ROBO2: variants seen among roughly 807,000 people sequenced by gnomAD.
ROBO2 encodes roundabout guidance receptor 2.
A neutral mutation model predicts 160.8 loss-of-function variants in ROBO2; 53 were observed. That is an observed-to-expected ratio of 0.33 (90% CI 0.26 to 0.41). The LOEUF (loss-of-function observed/expected upper bound fraction) is 0.41, where lower values mean the gene tolerates loss of function less well. Among genes scored for constraint, ROBO2 ranks in the 10% least tolerant of loss-of-function variants. The pLI is 1.00. For synonymous variants in ROBO2, 664 were observed against 611.7 expected (o/e 1.09, Z -1.26); for missense variants, 1,577 against 1,722.4 (o/e 0.92, Z 1.49).
chr3:77,075,257 A>G (rs1234515386), intron 1 of ROBO2, among the ~76,000 whole-genome samples: 2 of 152,194 alleles, frequency 1.3e-5, no homozygotes, highest in African/African-American at 4.8e-5. Flanking sequence ...TTGAACCTGT[A>G]TCTAAAAGTA....
At chr3:76,979,951 T>TAA (rs199788324) in intron 2 of ROBO2, among the ~76,000 whole-genome samples, 34 of 143,008 alleles carry the variant, frequency 2.4e-4, no homozygotes, top group African/African-American at 7.9e-4. Context: ...GAGACTTGGT[T>TAA]AAAAAAAAAA....
chr3:76,086,010 G>A (rs566423557), intron 2 of ROBO2, among the ~76,000 whole-genome samples: 4 of 152,264 alleles, frequency 2.6e-5, no homozygotes, highest in South Asian at 2.1e-4. Flanking sequence ...GGGACTAACC[G>A]TTTGGGGTAT....
intron 2 of ROBO2, among the ~76,000 whole-genome samples, chr3:77,412,083 T>C (rs994449693): frequency 2.6e-5 from 4 of 152,040 alleles, no homozygotes; most frequent in Non-Finnish European, 5.9e-5. Flanking sequence ...AAGAGGAGAG[T>C]TATTAACTTG....
chr3:76,743,619 G>GA (rs1300066748), intron 2 of ROBO2, among the ~76,000 whole-genome samples: 1 of 151,914 alleles, frequency 6.6e-6, no homozygotes, highest in Non-Finnish European at 1.5e-5. Flanking sequence ...ATGATTTAAT[G>GA]AAAAAATACA....
chr3:76,374,039 A>G (rs1209586215), intron 2 of ROBO2, among the ~76,000 whole-genome samples: 1 of 151,998 alleles, frequency 6.6e-6, no homozygotes, highest in Non-Finnish European at 1.5e-5. Context: ...AGAACTTAAT[A>G]AAAATTGCAA....
intron 2 of ROBO2, among the ~76,000 whole-genome samples, chr3:76,047,661 A>G (rs2067495100): frequency 6.6e-6 from 1 of 152,206 alleles, no homozygotes; most frequent in Non-Finnish European, 1.5e-5. Flanking sequence ...ATTTAATAAG[A>G]TGTAGATGTT....
chr3:75,915,725 T>C (rs1315667742), intron 1 of ROBO2, among the ~76,000 whole-genome samples: 4 of 152,064 alleles, frequency 2.6e-5, no homozygotes, highest in Non-Finnish European at 4.4e-5. Flanking sequence ...CATACATCAA[T>C]GGTGTAGAGA....
At chr3:76,710,819 AAGAG>A (rs2093277899) in intron 2 of ROBO2, among the ~76,000 whole-genome samples, 1 of 152,206 alleles carries the variant, frequency 6.6e-6, no homozygotes, top group Non-Finnish European at 1.5e-5. Context: ...ATGCAATTAA[AAGAG>A]AGGAGAGCTG....
chr3:77,481,490 T>C (rs1034386461), intron 4 of ROBO2, among the ~76,000 whole-genome samples: 3 of 152,182 alleles, frequency 2.0e-5, no homozygotes, highest in African/African-American at 4.8e-5. Context: ...TCAAAGTCTA[T>C]TTGAGATATT....
chr3:77,407,820 T>A (rs892276579), intron 2 of ROBO2, among the ~76,000 whole-genome samples: 6 of 152,180 alleles, frequency 3.9e-5, no homozygotes, highest in African/African-American at 1.4e-4. Context: ...GGAAAAAGTA[T>A]AAAGAATGAT....
At chr3:77,628,294 T>A (rs2153710680) in intron 23 of ROBO2, among the ~76,000 whole-genome samples, 1 of 152,336 alleles carries the variant, frequency 6.6e-6, no homozygotes, top group East Asian at 1.9e-4. Context: ...CTAGCCGAAT[T>A]GGTTTTACCT....
At chr3:76,703,708 G>A (rs1181938716) in intron 2 of ROBO2, among the ~76,000 whole-genome samples, 1 of 152,018 alleles carries the variant, frequency 6.6e-6, no homozygotes, top group Non-Finnish European at 1.5e-5. Flanking sequence ...CTTTTTTATG[G>A]TTGTGTAGTA....
intron 1 of ROBO2, among the ~76,000 whole-genome samples, chr3:77,095,761 T>C (rs1210947228): frequency 6.6e-6 from 1 of 152,322 alleles, no homozygotes; most frequent in African/African-American, 2.4e-5. Context: ...TTTAAATACT[T>C]TGGGGTCTTT....
intron 2 of ROBO2, among the ~76,000 whole-genome samples, chr3:76,732,308 T>C (rs2093649215): frequency 6.6e-6 from 1 of 152,096 alleles, no homozygotes; most frequent in South Asian, 2.1e-4. Flanking sequence ...GAAAGATAAA[T>C]TGAAGTACAT....
chr3:76,911,967 CA>C (rs35989086), intron 2 of ROBO2, among the ~76,000 whole-genome samples: 35 of 145,820 alleles, frequency 2.4e-4, no homozygotes, highest in African/African-American at 6.0e-4. Flanking sequence ...GACCCTGTCT[CA>C]AAAAAAAAAT....
intron 2 of ROBO2, among the ~76,000 whole-genome samples, chr3:77,102,941 A>G (rs1310983965): frequency 2.0e-5 from 3 of 152,036 alleles, no homozygotes; most frequent in Non-Finnish European, 4.4e-5. Flanking sequence ...TTTTTTAAAT[A>G]GTTAGAAAAC....
intron 2 of ROBO2, among the ~76,000 whole-genome samples, chr3:76,356,329 C>T (rs1403854865): frequency 6.6e-6 from 1 of 150,614 alleles, no homozygotes; most frequent in Non-Finnish European, 1.5e-5. Context: ...CAGCTAAATA[C>T]AATTATATCA....
chr3:76,775,737 A>T (rs2108547628), intron 2 of ROBO2, among the ~76,000 whole-genome samples: 1 of 91,950 alleles, frequency 1.1e-5, no homozygotes, highest in East Asian at 2.8e-4. Context: ...GAATACATCG[A>T]TGTTATTTAA....
At chr3:77,550,285 A>G (rs1049399516) in intron 7 of ROBO2, among the ~76,000 whole-genome samples, 6 of 152,094 alleles carry the variant, frequency 3.9e-5, no homozygotes, top group African/African-American at 1.4e-4. Context: ...ACTTTACAGC[A>G]GAAGTACAGT....
Sources: gnomAD v4.1 joint callset for allele counts (sites outside exome capture counted in the v4.1 genomes callset) on GRCh38, gnomAD v4.1.1 for gene constraint, MANE v1.5 for transcripts, NCBI Gene and HGNC (gene_info 2026-07-23, HGNC 2026-07-21) for gene names.